The following PCDHGB4 variants were observed in gnomAD, a reference collection of about 807,000 sequenced individuals.
PCDHGB4 encodes protocadherin gamma-B4.
PCDHGB4 carries 38 observed loss-of-function variants against 60.5 expected under a neutral mutation model. The ratio of observed to expected loss-of-function variants is 0.63; its 90% CI spans 0.48 to 0.82. PCDHGB4 has a LOEUF of 0.82. Among genes scored for constraint, PCDHGB4 ranks in the 40% least tolerant of loss-of-function variants. PCDHGB4 has a pLI of 0.00. For synonymous variants in PCDHGB4, 456 were observed against 509.7 expected (o/e 0.89, Z 1.42); for missense variants, 1,109 against 1,209.6 (o/e 0.92, Z 1.23).
intron 1 of PCDHGB4, chr5:141,426,793 A>G: frequency 2.2e-6 from 1 of 456,734 alleles, no homozygotes; most frequent in South Asian, 1.5e-5. Context: ...CAGAGTTACC[A>G]GCTCAGTTCT....
Position 141,431,135 on chromosome 5 carries a change from A to C in PCDHGB4, c.2397+40854A>C. ...TGGAGTAGAAGTAGAAGTAAGGGAC[A>C]TTAACGACAATGCGCCTTACTTTCG... On this transcript the variant is annotated intron_variant, in intron 1 of 3. Coordinates refer to ENST00000519479, the MANE Select transcript of PCDHGB4 (RefSeq NM_003736.4). The surrounding 1 kb of genome is among the most constrained non-coding windows in gnomAD (Gnocchi z 4.8). 1 of 1,614,266 alleles carries C rather than the reference A, an allele frequency of 6.2e-7. No homozygotes were observed. Among genetic ancestry groups the C allele is most frequent in the Non-Finnish European group, 8.5e-7 (1 of 1,180,042 alleles).
chr5:141,418,635 C>G, intron 1 of PCDHGB4: 1 of 1,614,018 alleles, frequency 6.2e-7, no homozygotes. Flanking sequence ...CCTCCAGGCA[C>G]CTCCATCCTG....
chr5:141,426,394 A>G (rs1353766048), intron 1 of PCDHGB4: 1 of 258,122 alleles, frequency 3.9e-6, no homozygotes, highest in African/African-American at 2.2e-5. Flanking sequence ...CCGCTACTCT[A>G]TTCCAGAAGA....
chr5:141,420,613 A>G (rs536307424), intron 1 of PCDHGB4, among the ~76,000 whole-genome samples: 53 of 152,194 alleles, frequency 3.5e-4, no homozygotes, highest in Non-Finnish European at 1.9e-4. Flanking sequence ...CAAGTATTTC[A>G]TCTTCATTTA....
rs558074504 is a variant in PCDHGB4 at position 141,489,065 on chromosome 5, C to A, written c.2398-5742C>A. ...CCACTCAAATTCAGCTCCCCTCCCCCCTGCCCACCCCCGCCACTCGGTGAC... is the reference window on the plus strand; with the variant it reads ...CCACTCAAATTCAGCTCCCCTCCCCACTGCCCACCCCCGCCACTCGGTGAC... On this transcript the variant is annotated intron_variant, in intron 1 of 3. Transcript: ENST00000519479. The surrounding 1 kb of genome is among the most constrained non-coding windows in gnomAD (Gnocchi z 4.5). 1,377 of 389,040 alleles carry A rather than the reference C, an allele frequency of 3.5e-3. 31 individuals carry two copies. Among genetic ancestry groups the A allele is most frequent in the Admixed American group, 9.8e-3 (226 of 22,946 alleles). 24.1% of individuals were successfully genotyped at this position (389,040 alleles called of 1,614,324 possible).
chr5:141,418,523 C>G (rs2096266495), intron 1 of PCDHGB4: 1 of 1,613,958 alleles, frequency 6.2e-7, no homozygotes, highest in Non-Finnish European at 8.5e-7. Context: ...GGACCCTCCC[C>G]GAAGCGGTAC....
At chr5:141,459,442 A>G (rs2098968073) in intron 1 of PCDHGB4, among the ~76,000 whole-genome samples, 1 of 152,198 alleles carries the variant, frequency 6.6e-6, no homozygotes, top group South Asian at 2.1e-4. Context: ...CATTCATTCA[A>G]CTGTTGGTGG....
At chr5:141,417,532 T>TA (rs1457524771) in intron 1 of PCDHGB4, 17 of 284,868 alleles carry the variant, frequency 6.0e-5, no homozygotes, top group Non-Finnish European at 8.4e-5. Context: ...ACTCGTAGTT[T>TA]AAAAAAAATT....
In PCDHGB4 at chr5:141,410,925, C is replaced by T. The variant is rs576126485; in HGVS notation, c.2397+20644C>T. The T allele has an allele frequency of 2.3e-5, 5 of 217,506 alleles. No individual in the cohort carries two copies. The East Asian group carries it at 5.8e-4, about 25-fold the overall frequency. 13.5% of individuals were successfully genotyped at this position (217,506 alleles called of 1,614,324 possible). Reference sequence around the variant, plus strand: ...CTGGAGTGCAGTGGCGTGATCTCTGCTCACTGCAACCTCCGCCTTCTGGGT... The same window carrying T: ...CTGGAGTGCAGTGGCGTGATCTCTGTTCACTGCAACCTCCGCCTTCTGGGT... On this transcript the variant is annotated intron_variant, in intron 1 of 3. Coordinates refer to ENST00000519479, the MANE Select transcript of PCDHGB4 (RefSeq NM_003736.4).
At chr5:141,502,472 A>T (rs1450967250) in intron 2 of PCDHGB4, among the ~76,000 whole-genome samples, 1 of 150,886 alleles carries the variant, frequency 6.6e-6, no homozygotes, top group Non-Finnish European at 1.5e-5. Flanking sequence ...TACTTCCCGC[A>T]GCATCACACT....
At chr5:141,394,801 C>A in intron 1 of PCDHGB4, 2 of 1,613,838 alleles carry the variant, frequency 1.2e-6, no homozygotes, top group Non-Finnish European at 1.7e-6. Flanking sequence ...CTCACCGTAG[C>A]CGTGGCTGAC....
In PCDHGB4 at chr5:141,486,600, C is replaced by G. The variant is rs748395954; in HGVS notation, c.2398-8207C>G. Reference sequence around the variant, plus strand: ...AATCGCCCAGGGGACCTGCTTTGCTCCCTTGCAGCCTCTGACCCAGACTCT... The same window carrying G: ...AATCGCCCAGGGGACCTGCTTTGCTGCCTTGCAGCCTCTGACCCAGACTCT... On this transcript the variant is annotated intron_variant, in intron 1 of 3. Transcript: ENST00000519479. This position sits in a 1 kb window ranked among gnomAD's most constrained non-coding sequence, Gnocchi z 5.0. 21 of 1,613,602 alleles carry G rather than the reference C, an allele frequency of 1.3e-5. No individual in the cohort carries two copies. Among genetic ancestry groups the G allele is most frequent in the South Asian group, 2.2e-5 (2 of 91,086 alleles).
rs1554123924 is a variant in PCDHGB4, at chr5:141,431,826, T to C, written c.2397+41545T>C. 1 of 1,614,220 alleles carries C rather than the reference T, an allele frequency of 6.2e-7. No homozygotes were observed. The highest frequency in any genetic ancestry group is 8.5e-7 in the Non-Finnish European group (1 of 1,180,050). The stretch of plus-strand genomic sequence containing the variant: ...GTCCTCACCTCTCTCGCCAGCTCGG[T>C]TCCCGAAAACTCTCCCAGAGGGACA... On this transcript the variant is annotated intron_variant, in intron 1 of 3. Coordinates refer to ENST00000519479, the MANE Select transcript of PCDHGB4 (RefSeq NM_003736.4). This position sits in a 1 kb window ranked among gnomAD's most constrained non-coding sequence, Gnocchi z 4.8.
chr5:141,428,679 TGGATGA>T (rs1231732563), intron 1 of PCDHGB4: 1 of 163,254 alleles, frequency 6.1e-6, no homozygotes, highest in Non-Finnish European at 1.3e-5. Flanking sequence ...CATTTACAAA[TGGATGA>T]GGTTTAATTT....
chr5:141,490,151 T>C lies in PCDHGB4; in HGVS notation c.2398-4656T>C, dbSNP rs1449636059. The stretch of plus-strand genomic sequence containing the variant: ...GACCCTAGCAGTGGGGCAATCCATG[T>C]GTTGGGTCCCATAGACTTTGAGGAG... On this transcript the variant is annotated intron_variant, in intron 1 of 3. Transcript: ENST00000519479. The surrounding 1 kb of genome is among the most constrained non-coding windows in gnomAD (Gnocchi z 5.4). 4 of 1,614,210 alleles carry C rather than the reference T, an allele frequency of 2.5e-6. No homozygotes were observed. The highest frequency in any genetic ancestry group is 3.4e-6 in the Non-Finnish European group (4 of 1,180,018).
chr5:141,491,247 G>A lies in PCDHGB4; in HGVS notation c.2398-3560G>A, dbSNP rs1356752106. ...CAGTGCTGCTGGTTCTGGAGGATGA[G>A]GACCCTGAGGAAATGCCCAAATCCA... On this transcript the variant is annotated intron_variant, in intron 1 of 3. Coordinates refer to ENST00000519479, the MANE Select transcript of PCDHGB4 (RefSeq NM_003736.4). The surrounding 1 kb of genome is among the most constrained non-coding windows in gnomAD (Gnocchi z 6.9). The A allele has an allele frequency of 3.2e-5, 51 of 1,614,192 alleles. No individual in the cohort carries two copies. The highest frequency in any genetic ancestry group is 4.3e-5 in the Non-Finnish European group (51 of 1,180,018).
chr5:141,408,184 G>A, intron 1 of PCDHGB4: 1 of 1,541,100 alleles, frequency 6.5e-7, no homozygotes, highest in Non-Finnish European at 8.8e-7. Flanking sequence ...CGGGGACCCA[G>A]CGAGAACCCG....
chr5:141,485,434 G>A lies in PCDHGB4; in HGVS notation c.2398-9373G>A. The A allele has an allele frequency of 6.2e-7, 1 of 1,614,166 alleles. No individual in the cohort carries two copies. The highest frequency in any genetic ancestry group is 8.5e-7 in the Non-Finnish European group (1 of 1,180,018). On this transcript the variant is annotated intron_variant, in intron 1 of 3. Coordinates refer to ENST00000519479, the MANE Select transcript of PCDHGB4 (RefSeq NM_003736.4). This position sits in a 1 kb window ranked among gnomAD's most constrained non-coding sequence, Gnocchi z 5.7. ...TGGACAGCGGAGCCCTGCTCATCAA[G>A]AACCCAATCGACCGAGAGGCACTGT...
chr5:141,399,396 G>C, intron 1 of PCDHGB4: 1 of 1,613,960 alleles, frequency 6.2e-7, no homozygotes, highest in Non-Finnish European at 8.5e-7. Flanking sequence ...CCACAGACAG[G>C]GGCAAGCCGC....
Sources: gnomAD v4.1 joint callset for allele counts (sites outside exome capture counted in the v4.1 genomes callset) on GRCh38, gnomAD v4.1.1 for gene constraint, Gnocchi (gnomAD v3.1) non-coding constraint, MANE v1.5 for transcripts, NCBI Gene and HGNC (gene_info 2026-07-23, HGNC 2026-07-21) for gene names.